Variants in RPGRIP1L observed in about 807,000 individuals in gnomAD.
RPGRIP1L encodes protein fantom.
A neutral mutation model predicts 160.4 loss-of-function variants in RPGRIP1L; 131 were observed. The ratio of observed to expected loss-of-function variants is 0.82; its 90% CI spans 0.71 to 0.94. RPGRIP1L has a LOEUF of 0.94. Ranked by LOEUF, RPGRIP1L falls within the 40% of genes least tolerant of loss-of-function variation. RPGRIP1L has a pLI of 0.00. For missense variants in RPGRIP1L, 1,522 were observed against 1,535.8 expected (o/e 0.99, Z 0.15); for synonymous variants, 510 against 515.8 (o/e 0.99, Z 0.15).
chr16:53,661,452 G>C (rs1335333314), intron 10 of RPGRIP1L, among the ~76,000 whole-genome samples: 6 of 152,006 alleles, frequency 3.9e-5, no homozygotes, highest in Admixed American at 3.9e-4. Context: ...TAAGTAAGTG[G>C]GACTCTGTAT....
At chr16:53,661,925 T>A (rs1411890823) in intron 10 of RPGRIP1L, among the ~76,000 whole-genome samples, 3 of 152,170 alleles carry the variant, frequency 2.0e-5, no homozygotes, top group Non-Finnish European at 4.4e-5. Flanking sequence ...ATCCACTACA[T>A]TTTTCCTTTC....
chr16:53,656,514 G>A lies in RPGRIP1L; in HGVS notation c.1657C>T (p.His553Tyr). Residue 553 changes from histidine to tyrosine, a missense_variant, in exon 14 of 27, where the codon CAT becomes TAT. His to Tyr is a moderately conservative substitution (Grantham distance 83, BLOSUM62 2). Transcript: ENST00000647211. ...CGTGCAGCCCTGATATCAAGAAGATGAACATACTGTTCCACTTTGAGTTCA... is the reference window on the plus strand; with the variant it reads ...CGTGCAGCCCTGATATCAAGAAGATAAACATACTGTTCCACTTTGAGTTCA... ...DYELKVEQYVHLLDIRAARIH... is the reference protein window; with the variant it reads ...DYELKVEQYVYLLDIRAARIH... 1 of 1,613,922 alleles carries A rather than the reference G, an allele frequency of 6.2e-7. No homozygotes were observed. The highest frequency in any genetic ancestry group is 1.1e-5 in the South Asian group (1 of 91,070).
At chr16:53,635,928 T>A (rs1965808693) in intron 22 of RPGRIP1L, among the ~76,000 whole-genome samples, 1 of 152,206 alleles carries the variant, frequency 6.6e-6, no homozygotes, top group Non-Finnish European at 1.5e-5. Flanking sequence ...AGCCATGTGC[T>A]CTAAGAAAAG....
intron 17 of RPGRIP1L, 78 bp downstream of exon 17, chr16:53,645,547 A>G: frequency 7.3e-7 from 1 of 1,371,336 alleles, no homozygotes; most frequent in Non-Finnish European, 1.0e-6. Flanking sequence ...ATTAGTTATA[A>G]ACGAATCATA....
Position 53,664,992 on chromosome 16 carries a change from T to C in RPGRIP1L, c.1121A>G (p.His374Arg), listed in dbSNP as rs748700646. 3 of 1,613,652 alleles carry C rather than the reference T, an allele frequency of 1.9e-6. No individual in the cohort carries two copies. Among genetic ancestry groups the C allele is most frequent in the South Asian group, 2.2e-5 (2 of 91,082 alleles). Residue 374 changes from histidine (H) to arginine (R), a missense_variant, in exon 10 of 27, where the codon CAT becomes CGT. By Grantham distance (29) the His-to-Arg change is conservative. Coordinates refer to ENST00000647211, the MANE Select transcript of RPGRIP1L (RefSeq NM_015272.5). The stretch of plus-strand genomic sequence containing the variant: ...CTCCTTTAACTTCCATTGCTCTTCA[T>C]GGGCAGCACTGAAGGCACTGCAAAA... ...KLYDSAFSAA[H>R]EEQWKLKEQQ...
chr16:53,630,557 G>T (rs1327261078), intron 22 of RPGRIP1L, among the ~76,000 whole-genome samples: 1 of 152,000 alleles, frequency 6.6e-6, no homozygotes, highest in South Asian at 2.1e-4. Flanking sequence ...ATATAGTATA[G>T]CCATATAATG....
intron 6 of RPGRIP1L, 33 bp from the exon 7 acceptor site, chr16:53,675,155 G>GGGCCGGGCGCGGTGGCTCACGCCTGT: frequency 6.7e-7 from 1 of 1,498,754 alleles, no homozygotes; most frequent in Non-Finnish European, 9.3e-7. Context: ...AAGAGAGACA[G>GGGCCGGGCGCGGTGGCTCACGCCTGT]AAGTAAAAAA....
intron 22 of RPGRIP1L, chr16:53,635,516 G>C (rs1252623830): frequency 6.6e-6 from 1 of 152,320 alleles, no homozygotes; most frequent in Non-Finnish European, 1.5e-5. Flanking sequence ...CTGCAGTGCA[G>C]TGGTGCAGTC....
intron 4 of RPGRIP1L, among the ~76,000 whole-genome samples, chr16:53,690,241 G>A (rs1469409824): frequency 6.6e-6 from 1 of 152,168 alleles, no homozygotes; most frequent in Non-Finnish European, 1.5e-5. Context: ...CTGTCGCCCA[G>A]GTTGGAGTGC....
intron 1 of RPGRIP1L, 107 bp from the exon 2 acceptor site, chr16:53,700,837 T>A (rs966759793): frequency 2.1e-5 from 17 of 799,382 alleles, no homozygotes; most frequent in Non-Finnish European, 3.5e-5. Context: ...TTAATGGGCA[T>A]CTTATTGTCC....
intron 22 of RPGRIP1L, among the ~76,000 whole-genome samples, chr16:53,625,972 C>T (rs144957194): frequency 0.031 from 4,761 of 151,522 alleles, 156 homozygotes; most frequent in East Asian, 0.14. Context: ...TCACCACTCC[C>T]TAATCTCAAG....
chr16:53,621,504 C>T (rs1042101665), intron 23 of RPGRIP1L, among the ~76,000 whole-genome samples: 20 of 150,748 alleles, frequency 1.3e-4, no homozygotes, highest in Non-Finnish European at 1.0e-4. Context: ...ATTCTCTGAC[C>T]AATACACCTG....
chr16:53,646,260 A>C (rs1966540039), intron 16 of RPGRIP1L, among the ~76,000 whole-genome samples: 1 of 152,186 alleles, frequency 6.6e-6, no homozygotes, highest in Admixed American at 6.5e-5. Context: ...AATCAAATAA[A>C]ACCAAGAAAA....
chr16:53,640,519 T>A (rs941134705), intron 19 of RPGRIP1L, among the ~76,000 whole-genome samples: 3 of 152,092 alleles, frequency 2.0e-5, no homozygotes, highest in South Asian at 4.2e-4. Flanking sequence ...TCAAGGAGCA[T>A]GAGAAGTATA....
intron 24 of RPGRIP1L, among the ~76,000 whole-genome samples, chr16:53,616,047 G>A (rs1964360097): frequency 6.6e-6 from 1 of 152,050 alleles, no homozygotes; most frequent in Non-Finnish European, 1.5e-5. Flanking sequence ...AGTCTCTTTT[G>A]TACAGATTCA....
Position 53,600,474 on chromosome 16 carries a change from G to A in RPGRIP1L, c.*1602C>T, listed in dbSNP as rs1403972791. On this transcript the variant is annotated 3_prime_UTR_variant, in exon 27 of 27. Coordinates refer to ENST00000647211, the MANE Select transcript of RPGRIP1L (RefSeq NM_015272.5). ...CGGAGATGGCAGGCCCCAGGACAGGGAGGCCCAGTGGTATAGACAGAATTT... is the reference window on the plus strand; with the variant it reads ...CGGAGATGGCAGGCCCCAGGACAGGAAGGCCCAGTGGTATAGACAGAATTT... 1.3e-5 allele frequency: 2 copies of A among 152,614 alleles called. No homozygotes were observed. The highest frequency in any genetic ancestry group is 4.8e-5 in the African/African-American group (2 of 41,440). 9.5% of individuals were successfully genotyped at this position (152,614 alleles called of 1,614,324 possible). A position where few individuals can be genotyped will look rare whatever the true frequency, so the allele number is the denominator to read the frequency against.
At chr16:53,636,213 G>C (rs1035816403) in intron 22 of RPGRIP1L, among the ~76,000 whole-genome samples, 1 of 151,940 alleles carries the variant, frequency 6.6e-6, no homozygotes, top group African/African-American at 2.4e-5. Flanking sequence ...CAGATTTAAG[G>C]TACTCTTTGT....
intron 9 of RPGRIP1L, among the ~76,000 whole-genome samples, chr16:53,670,388 C>T (rs1968614554): frequency 6.6e-6 from 1 of 152,096 alleles, no homozygotes; most frequent in South Asian, 2.1e-4. Context: ...TCAGCTATAA[C>T]ATATGTATTT....
At chr16:53,609,478 G>C (rs1963892051) in intron 25 of RPGRIP1L, among the ~76,000 whole-genome samples, 1 of 147,538 alleles carries the variant, frequency 6.8e-6, no homozygotes, top group Non-Finnish European at 1.5e-5. Context: ...AGCAGAACTT[G>C]ATTTTAAATT....
Sources: gnomAD v4.1 joint callset for allele counts (sites outside exome capture counted in the v4.1 genomes callset) on GRCh38, gnomAD v4.1.1 for gene constraint, MANE v1.5 for transcripts, NCBI Gene and HGNC (gene_info 2026-07-23, HGNC 2026-07-21) for gene names.